HMCN1: variants seen among roughly 807,000 people sequenced by gnomAD.
The protein encoded by HMCN1 is hemicentin 1.
In HMCN1, 321 loss-of-function variants were observed where a neutral mutation model predicts 625.9. The ratio of observed to expected loss-of-function variants is 0.51; its 90% CI spans 0.47 to 0.56. The LOEUF (loss-of-function observed/expected upper bound fraction) is 0.56, where lower values mean the gene tolerates loss of function less well. Ranked by LOEUF, HMCN1 falls within the 20% of genes least tolerant of loss-of-function variation. The pLI is 0.00. For missense variants in HMCN1, 6,588 were observed against 6,887.3 expected, an observed-to-expected ratio of 0.96 and a Z score of 1.54; for synonymous variants, 2,425 against 2,417.6, an observed-to-expected ratio of 1.00 and a Z score of -0.09.
At chr1:185,781,788 T>TA (rs1383730369) in intron 1 of HMCN1, among the ~76,000 whole-genome samples, 3 of 152,236 alleles carry the variant, frequency 2.0e-5, no homozygotes, top group Non-Finnish European at 4.4e-5. Context: ...AATTTTGGAA[T>TA]AAGTGCGATG....
chr1:186,166,116 GGCTT>G, intron 98 of HMCN1, 64 bp from the exon 99 acceptor site: 1 of 1,578,128 alleles, frequency 6.3e-7, no homozygotes, highest in South Asian at 1.1e-5. Context: ...TATTTTTACT[GGCTT>G]TAATAACTCC....
At chr1:185,821,387 T>A (rs1303375286) in intron 1 of HMCN1, among the ~76,000 whole-genome samples, 3 of 152,130 alleles carry the variant, frequency 2.0e-5, no homozygotes, top group Admixed American at 2.0e-4. Flanking sequence ...ATTGTCTTAT[T>A]GGTAGAAAGG....
chr1:186,107,642 G>A (rs1660671221), intron 70 of HMCN1, among the ~76,000 whole-genome samples: 1 of 151,954 alleles, frequency 6.6e-6, no homozygotes, highest in Non-Finnish European at 1.5e-5. Context: ...TATTTTTGGA[G>A]GTTTAGGCTA....
chr1:185,912,591 T>A (rs910642084), intron 6 of HMCN1, among the ~76,000 whole-genome samples: 2 of 152,062 alleles, frequency 1.3e-5, no homozygotes, highest in African/African-American at 2.4e-5. Context: ...CTTTTCAGTG[T>A]ACTTCCCAAT....
chr1:185,973,363 T>C (rs1650965503), intron 15 of HMCN1, among the ~76,000 whole-genome samples: 1 of 152,174 alleles, frequency 6.6e-6, no homozygotes, highest in Admixed American at 6.6e-5. Flanking sequence ...GGGATTTTAA[T>C]GTGAAAGTCA....
chr1:186,138,150 G>A (rs986507847), intron 89 of HMCN1, among the ~76,000 whole-genome samples, 178 bp downstream of exon 89: 4 of 152,074 alleles, frequency 2.6e-5, no homozygotes. Flanking sequence ...TAAAGGTATG[G>A]CATTCATTGA....
intron 4 of HMCN1, among the ~76,000 whole-genome samples, chr1:185,882,688 G>A (rs1664382735): frequency 6.6e-6 from 1 of 152,062 alleles, no homozygotes; most frequent in Non-Finnish European, 1.5e-5. Context: ...GAAATAGCAA[G>A]TGAAGTATAT....
At chr1:185,837,827 T>C (rs1661260651) in intron 1 of HMCN1, among the ~76,000 whole-genome samples, 1 of 152,248 alleles carries the variant, frequency 6.6e-6, no homozygotes, top group African/African-American at 2.4e-5. Flanking sequence ...TCTGGTTAGC[T>C]GTAGGCACCA....
rs144448119 is a variant in HMCN1, at chr1:186,041,061, G to C, written c.6229G>C (p.Asp2077His). 10 of 1,612,540 alleles carry C rather than the reference G, an allele frequency of 6.2e-6. No individual in the cohort carries two copies. The highest frequency in any genetic ancestry group is 5.9e-6 in the Non-Finnish European group (7 of 1,178,988). Residue 2077 changes from aspartate (D) to histidine (H), a missense_variant, in exon 40 of 107, where the codon GAC becomes CAC. Asp to His is a moderately conservative substitution (Grantham distance 81, BLOSUM62 -1). This residue lies in a region of HMCN1 where 4,628 missense variants were observed against 4,853.1 expected (regional missense o/e 0.95). Transcript: ENST00000271588. The stretch of plus-strand genomic sequence containing the variant: ...AGCATTGACCAGTGCACAAATCAGC[G>C]ACACAGGAAGGTACACCTGCGTGGC... ...ILALTSAQIS[D>H]TGRYTCVAVN... is the part of the protein sequence containing the mutation.
Position 186,115,410 on chromosome 1 carries a change from T to G in HMCN1, c.11557T>G (p.Tyr3853Asp), listed in dbSNP as rs1231650755. Residue 3853 changes from tyrosine (Y) to aspartate (D), a missense_variant, in exon 75 of 107, where the codon TAC becomes GAC. Transcript: ENST00000271588. ...TAATGTGGATCAAAATCAGAACTCA[T>G]ACAGGTAAGGATAATTTAAAACTCC... ...LLNVDQNQNS[Y>D]RLLSSGSLVI... 6.2e-7 allele frequency: 1 copy of G among 1,612,470 alleles called. No homozygotes were observed. The highest frequency in any genetic ancestry group is 8.5e-7 in the Non-Finnish European group (1 of 1,179,200).
At chr1:185,773,788 G>C (rs919866985) in intron 1 of HMCN1, among the ~76,000 whole-genome samples, 1 of 152,116 alleles carries the variant, frequency 6.6e-6, no homozygotes, top group Non-Finnish European at 1.5e-5. Flanking sequence ...TGTAGCATTA[G>C]AGCTTAGCAA....
chr1:186,114,933 T>C lies in HMCN1; in HGVS notation c.11391T>C (p.Asp3797=). 1 of 1,614,164 alleles carries C rather than the reference T, an allele frequency of 6.2e-7. No homozygotes were observed. The part of the protein sequence containing the change: ...NAAGTDRRRI[D]LQVHVPPSIA... ...CTGGAACAGATCGCAGGCGAATAGA[T>C]TTACAGGTCCATGGTAAATATCCGT... Residue 3797 remains aspartate, a synonymous_variant, in exon 74 of 107, where the codon GAT becomes GAC. Transcript: ENST00000271588.
Position 185,814,765 on chromosome 1 carries a change from CA to C in HMCN1, c.269-31260del, listed in dbSNP as rs938876414. 1.6e-4 allele frequency among the ~76,000 whole-genome samples: 24 copies of C among 149,222 alleles called. 1 individual carries two copies. The highest frequency in any genetic ancestry group is 5.9e-4 in the African/African-American group (23 of 38,936). On this transcript the variant is annotated intron_variant, in intron 1 of 106. Transcript: ENST00000271588. ...GGAGTGCAGTGGCTCGATCTCAGCT[CA>C]CTGCAACTTCCACCTCCTGGGTTCA...
chr1:185,978,041 T>C lies in HMCN1; in HGVS notation c.2566+60T>C, dbSNP rs1651354802. 15 of 1,205,216 alleles carry C rather than the reference T, an allele frequency of 1.2e-5. No individual in the cohort carries two copies. The South Asian group carries it at 1.7e-4, about 13-fold the overall frequency. The allele number at this position is 1,205,216 out of a possible 1,614,324, so 74.7% of individuals were successfully genotyped here. On this transcript the variant is annotated intron_variant, in intron 16 of 106. Transcript: ENST00000271588. ...TACTTTTATGTTATATATTTATGTTTTATACATAGGTATTGCTATTTAAAA... is the reference window on the plus strand; with the variant it reads ...TACTTTTATGTTATATATTTATGTTCTATACATAGGTATTGCTATTTAAAA...
intron 94 of HMCN1, 21 bp downstream of exon 94, chr1:186,151,370 T>A (rs1650653016): frequency 1.9e-6 from 3 of 1,608,102 alleles, no homozygotes; most frequent in African/African-American, 1.3e-5. Context: ...GCCTCAAGCC[T>A]CTTTTTAAAA....
intron 4 of HMCN1, among the ~76,000 whole-genome samples, chr1:185,903,801 G>T (rs1665946768): frequency 6.6e-6 from 1 of 151,730 alleles, no homozygotes; most frequent in Non-Finnish European, 1.5e-5. Flanking sequence ...TATAAAATCT[G>T]AATGCCAGCT....
chr1:186,063,450 G>T (rs1187394499), intron 48 of HMCN1, among the ~76,000 whole-genome samples: 3 of 2,084 alleles, frequency 1.4e-3, no homozygotes, highest in African/African-American at 5.9e-3. Flanking sequence ...GACGGAGAGA[G>T]AAGGAAGGAA....
chr1:185,824,701 T>G (rs1355108944), intron 1 of HMCN1, among the ~76,000 whole-genome samples: 3 of 152,186 alleles, frequency 2.0e-5, no homozygotes, highest in Non-Finnish European at 4.4e-5. Flanking sequence ...CATTCAATTC[T>G]AAGCAATCTG....
chr1:186,077,135 CAGGGCTTAT>C (rs1658871365), intron 54 of HMCN1, among the ~76,000 whole-genome samples: 1 of 152,052 alleles, frequency 6.6e-6, no homozygotes, highest in African/African-American at 2.4e-5. Flanking sequence ...TTCAGATATA[CAGGGCTTAT>C]CAAAATTCAT....
Sources: allele counts gnomAD v4.1 joint callset (sites outside exome capture counted in the v4.1 genomes callset), GRCh38; gene constraint gnomAD v4.1.1; regional missense constraint gnomAD v4.1.1; transcripts MANE v1.5; gene names NCBI Gene and HGNC (gene_info 2026-07-23, HGNC 2026-07-21).